Variants in TP63 observed in about 807,000 individuals in gnomAD.
TP63 encodes tumor protein p63.
TP63 carries 17 observed loss-of-function variants against 82.8 expected under a neutral mutation model. The observed-to-expected ratio is 0.21, with a 90% confidence interval of 0.14 to 0.31. TP63 has a LOEUF of 0.31. Ranked by LOEUF, TP63 falls within the 10% of genes least tolerant of loss-of-function variation. TP63 has a pLI of 1.00. For synonymous variants in TP63, 330 were observed against 321.7 expected, an observed-to-expected ratio of 1.03 and a Z score of -0.28; for missense variants, 648 against 895.3, an observed-to-expected ratio of 0.72 and a Z score of 3.52.
chr3:189,726,915 A>G (rs531075572), intron 1 of TP63, among the ~76,000 whole-genome samples: 1 of 152,340 alleles, frequency 6.6e-6, no homozygotes, highest in East Asian at 1.9e-4. Context: ...AATATTTTTG[A>G]CTTTGCAGGT....
chr3:189,669,199 C>T (rs1357085097), intron 1 of TP63, among the ~76,000 whole-genome samples: 2 of 151,378 alleles, frequency 1.3e-5, no homozygotes, highest in African/African-American at 4.9e-5. Flanking sequence ...TGGTGTGGTG[C>T]TAGTATATAG....
At chr3:189,891,436 A>G (rs1225829091) in intron 13 of TP63, among the ~76,000 whole-genome samples, 1 of 152,208 alleles carries the variant, frequency 6.6e-6, no homozygotes, top group African/African-American at 2.4e-5. Context: ...CGTTCCTCTC[A>G]ATTAAAACTA....
intron 1 of TP63, among the ~76,000 whole-genome samples, chr3:189,657,770 T>A (rs981277667): frequency 6.6e-6 from 1 of 151,928 alleles, no homozygotes; most frequent in African/African-American, 2.4e-5. Flanking sequence ...ATATGGATGG[T>A]TATATATAGA....
chr3:189,706,932 G>A (rs555323717), intron 1 of TP63, among the ~76,000 whole-genome samples: 4 of 151,196 alleles, frequency 2.6e-5, no homozygotes, highest in Admixed American at 6.6e-5. Flanking sequence ...TCTCCTACAC[G>A]CTGAAAGATC....
intron 1 of TP63, among the ~76,000 whole-genome samples, chr3:189,672,811 G>A (rs988124827): frequency 3.9e-5 from 6 of 151,988 alleles, no homozygotes; most frequent in Admixed American, 6.6e-5. Flanking sequence ...ATTAAACAAA[G>A]CCAACAATTG....
chr3:189,787,048 G>A (rs1724660073), intron 3 of TP63, among the ~76,000 whole-genome samples: 1 of 151,972 alleles, frequency 6.6e-6, no homozygotes. Context: ...GCTCTTTTAT[G>A]GAAATGTTTG....
the TP63 span, among the ~76,000 whole-genome samples, chr3:189,620,499 A>T: frequency 8.3e-6 from 1 of 120,526 alleles, no homozygotes; most frequent in Non-Finnish European, 1.8e-5. Context: ...ACAGAGCAAG[A>T]CTCCATCAAA....
chr3:189,738,995 G>A, intron 3 of TP63: 4 of 616,480 alleles, frequency 6.5e-6, no homozygotes, highest in Non-Finnish European at 1.1e-5. Flanking sequence ...CGTGTGGGGA[G>A]GGAGATTCTT....
intron 1 of TP63, among the ~76,000 whole-genome samples, chr3:189,689,116 T>TTTTTGAGACGGAG (rs1716702839): frequency 7.9e-6 from 1 of 125,814 alleles, no homozygotes; most frequent in Non-Finnish European, 1.7e-5. Context: ...TTTTTTTTTT[T>TTTTTGAGACGGAG]TTTTTTTTTT....
In TP63 at chr3:189,894,247, G is replaced by C. The variant is rs148577576; in HGVS notation, c.1788G>C (p.Ala596=). 6.2e-7 allele frequency: 1 copy of C among 1,613,984 alleles called. No homozygotes were observed. Among genetic ancestry groups the C allele is most frequent in the South Asian group, 1.1e-5 (1 of 91,064 alleles). Residue 596 remains alanine (A), a synonymous_variant, in exon 14 of 14, where the codon GCG becomes GCC. Transcript: ENST00000264731. ...AAATCCCTGAGCAATTTCGACATGC[G>C]ATCTGGAAGGGCATCCTGGACCACC... The part of the protein sequence containing the change: ...SLKIPEQFRH[A]IWKGILDHRQ...
At chr3:189,701,743 C>T (rs1407980827) in intron 1 of TP63, among the ~76,000 whole-genome samples, 1 of 151,700 alleles carries the variant, frequency 6.6e-6, no homozygotes, top group African/African-American at 2.4e-5. Flanking sequence ...CCTTTTCTAT[C>T]ATTTACTAGA....
At chr3:189,634,272 AT>A (rs1339842903) in intron 1 of TP63, among the ~76,000 whole-genome samples, 1 of 152,036 alleles carries the variant, frequency 6.6e-6, no homozygotes, top group African/African-American at 2.4e-5. Context: ...ATGAAAGATA[AT>A]TTTTTAAAGA....
At chr3:189,733,534 T>C (rs943852506) in intron 1 of TP63, among the ~76,000 whole-genome samples, 5 of 152,224 alleles carry the variant, frequency 3.3e-5, no homozygotes, top group Admixed American at 2.0e-4. Flanking sequence ...GATCTTTGGA[T>C]GTTGGGGATG....
At chr3:189,612,771 G>A in the TP63 span, among the ~76,000 whole-genome samples, 1 of 152,214 alleles carries the variant, frequency 6.6e-6, no homozygotes. Flanking sequence ...CGCTGAGGTG[G>A]TTTCAAATGG....
At chr3:189,842,836 C>T (rs1348662596) in intron 4 of TP63, among the ~76,000 whole-genome samples, 1 of 152,180 alleles carries the variant, frequency 6.6e-6, no homozygotes, top group Admixed American at 6.5e-5. Flanking sequence ...ACACGAGTAC[C>T]TGCTGTATGA....
At chr3:189,889,533 A>C (rs1459612239) in intron 12 of TP63, 49 bp downstream of exon 12, 1 of 1,613,226 alleles carries the variant, frequency 6.2e-7, no homozygotes, top group East Asian at 2.2e-5. Context: ...GCATCCCGGG[A>C]TGGTGGAGGG....
rs989401531 is a variant in TP63, at chr3:189,674,618, T to G, written c.62+43041T>G. 2.0e-5 allele frequency among the ~76,000 whole-genome samples: 3 copies of G among 152,216 alleles called. No individual in the cohort carries two copies. The East Asian group carries it at 5.8e-4, about 29-fold the overall frequency. The stretch of plus-strand genomic sequence containing the variant: ...AATATTTATCCACAAGCTCCATGAA[T>G]TGAAAATTACATGAAGGCATTAACT... On this transcript the variant is annotated intron_variant, in intron 1 of 13. Coordinates refer to ENST00000264731, the MANE Select transcript of TP63 (RefSeq NM_003722.5).
At chr3:189,789,593 A>G in intron 3 of TP63, 1 of 1,219,218 alleles carries the variant, frequency 8.2e-7, no homozygotes, top group Non-Finnish European at 1.0e-6. Context: ...TTGGACAGGT[A>G]AAGAGAAGAG....
chr3:189,702,223 G>A (rs1342793989), intron 1 of TP63, among the ~76,000 whole-genome samples: 1 of 152,134 alleles, frequency 6.6e-6, no homozygotes. Flanking sequence ...GGGAATTAAA[G>A]GTTTTAACTG....
Sources: allele counts gnomAD v4.1 joint callset (sites outside exome capture counted in the v4.1 genomes callset), GRCh38; gene constraint gnomAD v4.1.1; transcripts MANE v1.5; gene names NCBI Gene and HGNC (gene_info 2026-07-23, HGNC 2026-07-21).